The following LHFPL6 variants were observed in gnomAD, a reference collection of about 807,000 sequenced individuals.
LHFPL6 encodes LHFPL tetraspan subfamily member 6 protein.
Under a neutral mutation model 20.6 loss-of-function variants are expected in LHFPL6, and 9 were observed. That is an observed-to-expected ratio of 0.44 (90% CI 0.26 to 0.76). The LOEUF (loss-of-function observed/expected upper bound fraction) is 0.76, where lower values mean the gene tolerates loss of function less well. LHFPL6 is among the 30% of genes least tolerant of loss of function. The pLI, the probability that LHFPL6 is intolerant of heterozygous loss-of-function variation, is 0.20. For synonymous variants in LHFPL6, 105 were observed against 98.7 expected, an observed-to-expected ratio of 1.06 and a Z score of -0.38; for missense variants, 218 against 253.5, an observed-to-expected ratio of 0.86 and a Z score of 0.95.
At chr13:39,545,708 C>T (rs9548803) in intron 2 of LHFPL6, among the ~76,000 whole-genome samples, 1 of 151,942 alleles carries the variant, frequency 6.6e-6, no homozygotes, top group Non-Finnish European at 1.5e-5. Flanking sequence ...ATCATATCTA[C>T]ATTACTTATA....
At chr13:39,359,383 T>C (rs1869817527) in intron 3 of LHFPL6, among the ~76,000 whole-genome samples, 1 of 152,134 alleles carries the variant, frequency 6.6e-6, no homozygotes, top group African/African-American at 2.4e-5. Context: ...CCTGTATTGA[T>C]CACTGCAGCA....
At chr13:39,445,759 A>C (rs1267457310) in intron 2 of LHFPL6, among the ~76,000 whole-genome samples, 1 of 152,222 alleles carries the variant, frequency 6.6e-6, no homozygotes, top group Non-Finnish European at 1.5e-5. Context: ...TCAAATAGCA[A>C]CTCAGAGTCT....
At chr13:39,421,478 T>C (rs79133048) in intron 2 of LHFPL6, among the ~76,000 whole-genome samples, 2,789 of 152,304 alleles carry the variant, frequency 0.018, 81 homozygotes, top group African/African-American at 0.063. Flanking sequence ...AAAATTCTCA[T>C]TGTCATTTAG....
intron 2 of LHFPL6, among the ~76,000 whole-genome samples, chr13:39,580,653 A>AG (rs1872254176): frequency 6.6e-6 from 1 of 152,224 alleles, no homozygotes; most frequent in Non-Finnish European, 1.5e-5. Context: ...TTATGTAACC[A>AG]ACTGTTGGTA....
intron 3 of LHFPL6, among the ~76,000 whole-genome samples, chr13:39,369,161 A>G (rs557989740): frequency 6.2e-4 from 94 of 152,020 alleles, no homozygotes; most frequent in Non-Finnish European, 9.9e-4. Context: ...ATTCTCCCCA[A>G]TAGTTTTGTA....
At chr13:39,582,728 A>G (rs2138540874) in intron 2 of LHFPL6, among the ~76,000 whole-genome samples, 1 of 152,214 alleles carries the variant, frequency 6.6e-6, no homozygotes, top group East Asian at 1.9e-4. Flanking sequence ...TGTATCTTAC[A>G]GGATCTTGAG....
At chr13:39,476,618 G>T (rs1463167302) in intron 2 of LHFPL6, among the ~76,000 whole-genome samples, 1 of 152,160 alleles carries the variant, frequency 6.6e-6, no homozygotes, top group Non-Finnish European at 1.5e-5. Flanking sequence ...CATTCTTATT[G>T]CATTTCCTCA....
chr13:39,602,042 CT>C (rs1872968354), intron 1 of LHFPL6, among the ~76,000 whole-genome samples: 1 of 152,144 alleles, frequency 6.6e-6, no homozygotes, highest in Admixed American at 6.5e-5. Flanking sequence ...TATTTTGAGT[CT>C]GCAGTTTTGA....
intron 2 of LHFPL6, among the ~76,000 whole-genome samples, chr13:39,562,495 T>TAC (rs1213690603): frequency 1.5e-4 from 16 of 107,228 alleles, no homozygotes; most frequent in South Asian, 1.0e-3. Flanking sequence ...TATACACATA[T>TAC]ACATATATAC....
chr13:39,413,431 A>G lies in LHFPL6; in HGVS notation c.386-34905T>C, dbSNP rs75681073. Among the ~76,000 whole-genome samples, 174 of 79,778 alleles carry G rather than the reference A, an allele frequency of 2.2e-3. 4 individuals are homozygous for G. The East Asian group carries it at 0.05, about 23-fold the overall frequency. 52.3% of individuals were successfully genotyped at this position (79,778 alleles called of 152,430 possible). On this transcript the variant is annotated intron_variant, in intron 2 of 3. Transcript: ENST00000379589. ...TTAAATGTCAAACCCGAAACTACTC[A>G]GGATTTTTTTTTTTTTTTTTTAGGA...
chr13:39,552,233 T>A (rs988313814), intron 2 of LHFPL6, among the ~76,000 whole-genome samples: 3 of 152,178 alleles, frequency 2.0e-5, no homozygotes, highest in Non-Finnish European at 2.9e-5. Flanking sequence ...TTTAAACACA[T>A]ACCCTTGAAG....
chr13:39,359,189 T>TCAACAC (rs1869812625), intron 3 of LHFPL6, among the ~76,000 whole-genome samples: 1 of 151,994 alleles, frequency 6.6e-6, no homozygotes, highest in East Asian at 1.9e-4. Flanking sequence ...AACATAGGTG[T>TCAACAC]TGGCAGGACT....
intron 2 of LHFPL6, among the ~76,000 whole-genome samples, chr13:39,590,828 T>C (rs1593376585): frequency 1.3e-5 from 2 of 152,340 alleles, no homozygotes; most frequent in African/African-American, 4.8e-5. Flanking sequence ...TGACTAACAA[T>C]TTGTTTTCAC....
At chr13:39,565,182 T>C (rs1190387075) in intron 2 of LHFPL6, among the ~76,000 whole-genome samples, 1 of 139,090 alleles carries the variant, frequency 7.2e-6, no homozygotes, top group East Asian at 2.2e-4. Flanking sequence ...AGGAGGACAA[T>C]AAGCCAAGAA....
At chr13:39,361,142 C>T (rs887534055) in intron 3 of LHFPL6, among the ~76,000 whole-genome samples, 1 of 95,980 alleles carries the variant, frequency 1.0e-5, no homozygotes, top group African/African-American at 3.0e-5. Flanking sequence ...AGTGCTGAGC[C>T]CAAATTATAC....
At chr13:39,368,041 T>A (rs1246632562) in intron 3 of LHFPL6, among the ~76,000 whole-genome samples, 1 of 152,142 alleles carries the variant, frequency 6.6e-6, no homozygotes, top group Non-Finnish European at 1.5e-5. Context: ...AGATGTAAAA[T>A]CCAGCCAGGC....
intron 2 of LHFPL6, among the ~76,000 whole-genome samples, chr13:39,529,178 A>AC (rs1870384303): frequency 6.6e-6 from 1 of 151,550 alleles, no homozygotes; most frequent in African/African-American, 2.4e-5. Context: ...TGTAACCTCC[A>AC]CCTCCCAGGT....
At chr13:39,510,637 A>T (rs1038575177) in intron 2 of LHFPL6, among the ~76,000 whole-genome samples, 1 of 151,864 alleles carries the variant, frequency 6.6e-6, no homozygotes, top group Non-Finnish European at 1.5e-5. Flanking sequence ...ACATCTTTCT[A>T]GAAAGAGAAA....
chr13:39,451,472 C>A (rs1366312546), intron 2 of LHFPL6, among the ~76,000 whole-genome samples: 2 of 152,110 alleles, frequency 1.3e-5, no homozygotes, highest in Non-Finnish European at 2.9e-5. Flanking sequence ...CTGTAGCCAA[C>A]CTATTACATA....
Sources: gnomAD v4.1 joint callset for allele counts (sites outside exome capture counted in the v4.1 genomes callset) on GRCh38, gnomAD v4.1.1 for gene constraint, MANE v1.5 for transcripts, NCBI Gene and HGNC (gene_info 2026-07-23, HGNC 2026-07-21) for gene names.